RARB: variants seen among roughly 807,000 people sequenced by gnomAD.
The protein encoded by RARB is HBV-activated protein.
RARB carries 17 observed loss-of-function variants against 51.9 expected under a neutral mutation model. That is an observed-to-expected ratio of 0.33 (90% CI 0.22 to 0.49). RARB has a LOEUF of 0.49. Among genes scored for constraint, RARB ranks in the 20% least tolerant of loss-of-function variants. The probability of loss-of-function intolerance (pLI) is 0.99; values close to 1 mark genes in which losing one functional copy is unlikely to be tolerated. For synonymous variants in RARB, 215 were observed against 195.4 expected (o/e 1.10, Z -0.84); for missense variants, 369 against 550.8 (o/e 0.67, Z 3.30).
chr3:25,540,463 C>T (rs1699329287), intron 3 of RARB, among the ~76,000 whole-genome samples: 1 of 152,174 alleles, frequency 6.6e-6, no homozygotes, highest in Admixed American at 6.5e-5. Flanking sequence ...AGTGAGCTCC[C>T]TGGATAGACA....
At chr3:25,550,765 G>A (rs1559463145) in intron 3 of RARB, among the ~76,000 whole-genome samples, 1 of 152,146 alleles carries the variant, frequency 6.6e-6, no homozygotes, top group Non-Finnish European at 1.5e-5. Context: ...ACAGGCCCCA[G>A]TGTGTGATGT....
intron 5 of RARB, among the ~76,000 whole-genome samples, chr3:25,384,781 A>G (rs773775827): frequency 7.2e-5 from 11 of 152,240 alleles, no homozygotes; most frequent in Non-Finnish European, 1.0e-4. Context: ...ATTTTCAGAC[A>G]GTCCAACCTT....
intron 3 of RARB, among the ~76,000 whole-genome samples, chr3:25,568,774 C>T (rs1002236149): frequency 2.0e-5 from 3 of 152,210 alleles, no homozygotes; most frequent in African/African-American, 7.2e-5. Context: ...CAGGCAGCAT[C>T]CAGCCTGGCA....
chr3:24,837,970 G>C (rs994429271), intron 1 of RARB, among the ~76,000 whole-genome samples: 4 of 152,154 alleles, frequency 2.6e-5, no homozygotes, highest in Middle Eastern at 3.2e-3. Flanking sequence ...GGCTTACCAG[G>C]CCAAAAATCA....
chr3:25,182,239 GAAAT>G (rs1243704970), intron 5 of RARB, among the ~76,000 whole-genome samples: 12 of 152,176 alleles, frequency 7.9e-5, no homozygotes, highest in African/African-American at 2.9e-4. Context: ...ATAACAGTGT[GAAAT>G]AAACTGACTA....
Position 25,127,290 on chromosome 3 carries a change from C to G in RARB, c.-327-4871C>G, listed in dbSNP as rs181972816. Among the ~76,000 whole-genome samples the G allele has an allele frequency of 1.5e-3, 222 of 152,268 alleles. 1 individual carries two copies. The highest frequency in any genetic ancestry group is 5.2e-3 in the African/African-American group (217 of 41,564). On this transcript the variant is annotated intron_variant, in intron 3 of 11. Coordinates refer to the RARB transcript ENST00000383772. ...CCTCACCTCTTCCCAGGACCTGTCA[C>G]TACTGGGCCTTGCCACGGCCCACCA...
chr3:24,832,627 C>CT (rs1559366434), intron 1 of RARB, among the ~76,000 whole-genome samples: 5,827 of 78,990 alleles, frequency 0.074, 254 homozygotes, highest in African/African-American at 0.15. Flanking sequence ...AATTGAGTCC[C>CT]AATATATATA....
intron 5 of RARB, among the ~76,000 whole-genome samples, chr3:25,242,578 C>G (rs1026463396): frequency 6.6e-6 from 1 of 151,770 alleles, no homozygotes; most frequent in African/African-American, 2.4e-5. Flanking sequence ...TTTCCCATTG[C>G]TTTTTTTTCT....
At chr3:25,360,591 T>G (rs116605026) in intron 5 of RARB, among the ~76,000 whole-genome samples, 12,493 of 152,194 alleles carry the variant, frequency 0.082, 721 homozygotes, top group South Asian at 0.19. Context: ...ACATTTTGGT[T>G]TGTTTTTGCA....
intron 2 of RARB, among the ~76,000 whole-genome samples, chr3:24,962,592 A>G (rs1047419769): frequency 1.3e-5 from 2 of 152,164 alleles, no homozygotes; most frequent in Non-Finnish European, 2.9e-5. Context: ...TTACTGCCTG[A>G]GCTCCACCTC....
chr3:25,284,322 A>G (rs1168971852), intron 5 of RARB, among the ~76,000 whole-genome samples: 3 of 152,176 alleles, frequency 2.0e-5, no homozygotes, highest in Non-Finnish European at 4.4e-5. Flanking sequence ...CAGTTAAGCT[A>G]AGCCCAGATT....
rs554032247 is a variant in RARB at position 25,357,809 on chromosome 3, G to A, written c.179-103384G>A. 6.4e-4 allele frequency among the ~76,000 whole-genome samples: 97 copies of A among 152,262 alleles called. 1 individual carries two copies. The highest frequency in any genetic ancestry group is 3.4e-3 in the Middle Eastern group (1 of 294). ...CTTGTTTTTGTCCGGTCAAAGATCA[G>A]ATGGTTGTAGATGTGTGGTGTTATT... On this transcript the variant is annotated intron_variant, in intron 5 of 11. Coordinates refer to the RARB transcript ENST00000383772.
chr3:24,876,317 C>T (rs941939057), intron 2 of RARB, among the ~76,000 whole-genome samples: 5 of 152,132 alleles, frequency 3.3e-5, no homozygotes, highest in Admixed American at 2.6e-4. Flanking sequence ...TGACAATTAT[C>T]ACTGAAGTAT....
chr3:25,143,202 A>G (rs1434089514), intron 4 of RARB, among the ~76,000 whole-genome samples: 2 of 152,144 alleles, frequency 1.3e-5, no homozygotes, highest in Admixed American at 6.5e-5. Flanking sequence ...AGAGTTTGTA[A>G]TTTAGCTAGC....
At chr3:25,054,615 C>T (rs976281245) in intron 2 of RARB, among the ~76,000 whole-genome samples, 2 of 152,076 alleles carry the variant, frequency 1.3e-5, no homozygotes, top group African/African-American at 4.8e-5. Flanking sequence ...TAGCACTTGC[C>T]CCTGAGGGGA....
At chr3:25,137,077 G>C (rs1580814) in intron 4 of RARB, among the ~76,000 whole-genome samples, 86,974 of 151,824 alleles carry the variant, frequency 0.57, 25,192 homozygotes, top group East Asian at 0.7. Flanking sequence ...ACTGCTTTGA[G>C]ATGAAAGTAC....
At chr3:25,250,060 C>G (rs757322525) in intron 5 of RARB, among the ~76,000 whole-genome samples, 6 of 152,128 alleles carry the variant, frequency 3.9e-5, no homozygotes, top group Non-Finnish European at 8.8e-5. Context: ...GGACAACCCT[C>G]TGACTCCCAG....
chr3:25,423,217 C>T (rs539372451), intron 5 of RARB, among the ~76,000 whole-genome samples: 10 of 152,128 alleles, frequency 6.6e-5, no homozygotes, highest in African/African-American at 9.7e-5. Context: ...CTGGTAACAC[C>T]GCTACTAGAA....
chr3:24,992,355 T>C (rs1696930877), intron 2 of RARB, among the ~76,000 whole-genome samples: 1 of 152,146 alleles, frequency 6.6e-6, no homozygotes, highest in African/African-American at 2.4e-5. Context: ...AGTATAAAGT[T>C]AGTTGAGGTG....
Sources: allele counts gnomAD v4.1 joint callset (sites outside exome capture counted in the v4.1 genomes callset), GRCh38; gene constraint gnomAD v4.1.1; transcripts MANE v1.5; gene names NCBI Gene and HGNC (gene_info 2026-07-23, HGNC 2026-07-21).